The following RAPGEF5 variants were observed in gnomAD, a reference collection of about 807,000 sequenced individuals.
The protein encoded by RAPGEF5 is Rap guanine nucleotide exchange factor 5, also known as M-Ras-regulated GEF.
A neutral mutation model predicts 125.2 loss-of-function variants in RAPGEF5; 65 were observed. The observed-to-expected ratio is 0.52, with a 90% confidence interval of 0.43 to 0.64. The LOEUF (loss-of-function observed/expected upper bound fraction) is 0.64. Among genes scored for constraint, RAPGEF5 ranks in the 30% least tolerant of loss-of-function variants. The pLI, the probability that RAPGEF5 is intolerant of heterozygous loss-of-function variation, is 0.00. For missense variants in RAPGEF5, 958 were observed against 1,048.1 expected (o/e 0.91, Z 1.19); for synonymous variants, 391 against 385.9 (o/e 1.01, Z -0.16).
intron 23 of RAPGEF5, among the ~76,000 whole-genome samples, chr7:22,133,160 AGAGT>A (rs1286223049): frequency 6.6e-6 from 1 of 152,120 alleles, no homozygotes; most frequent in Non-Finnish European, 1.5e-5. Context: ...AGCTCTCAGT[AGAGT>A]GTGTGGCGGC....
chr7:22,247,749 T>TAA (rs199529209), intron 7 of RAPGEF5, among the ~76,000 whole-genome samples: 133 of 146,596 alleles, frequency 9.1e-4, no homozygotes, highest in African/African-American at 3.0e-3. Context: ...GTGGACTGGA[T>TAA]AAAAAAAAAA....
intron 1 of RAPGEF5, among the ~76,000 whole-genome samples, chr7:22,327,466 T>C (rs1783836018): frequency 1.3e-5 from 2 of 152,206 alleles, no homozygotes; most frequent in African/African-American, 4.8e-5. Flanking sequence ...TAAATGTTTA[T>C]AAAGGAAAAA....
chr7:22,238,031 A>G (rs933266512), intron 7 of RAPGEF5, among the ~76,000 whole-genome samples: 15 of 152,310 alleles, frequency 9.8e-5, no homozygotes, highest in Non-Finnish European at 1.8e-4. Flanking sequence ...AAACAAACGT[A>G]AACTGAAGAA....
chr7:22,229,004 A>T (rs542943362), intron 8 of RAPGEF5, among the ~76,000 whole-genome samples: 3 of 152,210 alleles, frequency 2.0e-5, no homozygotes, highest in African/African-American at 7.2e-5. Flanking sequence ...TTTTGCAGAG[A>T]TGAAAACCAT....
intron 12 of RAPGEF5, among the ~76,000 whole-genome samples, chr7:22,165,200 G>A (rs545181104): frequency 3.9e-4 from 60 of 152,230 alleles, no homozygotes; most frequent in African/African-American, 1.4e-3. Flanking sequence ...TAATGTCTTA[G>A]TCAAAGACTC....
At chr7:22,197,895 G>GGGGC (rs1554327476) in intron 9 of RAPGEF5, among the ~76,000 whole-genome samples, 1 of 129,434 alleles carries the variant, frequency 7.7e-6, no homozygotes, top group Non-Finnish European at 1.7e-5. Flanking sequence ...TTTTTTTTTG[G>GGGGC]GGGGGGGTGG....
intron 6 of RAPGEF5, among the ~76,000 whole-genome samples, chr7:22,269,235 G>A (rs1257838257): frequency 1.3e-5 from 2 of 149,560 alleles, no homozygotes; most frequent in East Asian, 2.0e-4. Flanking sequence ...CCTACAAGAC[G>A]CAAAGGGGAA....
intron 8 of RAPGEF5, among the ~76,000 whole-genome samples, chr7:22,229,339 A>G (rs1786001271): frequency 6.6e-6 from 1 of 152,206 alleles, no homozygotes; most frequent in Admixed American, 6.5e-5. Context: ...TTATAGACCC[A>G]AAGTTTTCAG....
chr7:22,334,872 C>T (rs1783995921), intron 1 of RAPGEF5, among the ~76,000 whole-genome samples: 1 of 152,180 alleles, frequency 6.6e-6, no homozygotes, highest in Admixed American at 6.5e-5. Flanking sequence ...CTGAAGAATG[C>T]TCTTGGTTCC....
At chr7:22,194,116 A>G in intron 9 of RAPGEF5, 83 bp from the exon 10 acceptor site, 1 of 1,199,326 alleles carries the variant, frequency 8.3e-7, no homozygotes, top group South Asian at 1.4e-5. Context: ...GAGCTAACTC[A>G]AGCTGTATTT....
At chr7:22,205,110 G>A (rs991744378) in intron 9 of RAPGEF5, among the ~76,000 whole-genome samples, 5 of 152,144 alleles carry the variant, frequency 3.3e-5, no homozygotes, top group Admixed American at 3.3e-4. Flanking sequence ...TGCACCTGGA[G>A]GGCCAAAGAA....
intron 9 of RAPGEF5, among the ~76,000 whole-genome samples, chr7:22,215,489 T>C (rs1182351237): frequency 6.6e-6 from 1 of 152,198 alleles, no homozygotes; most frequent in Non-Finnish European, 1.5e-5. Context: ...TTAGTTGTGT[T>C]GATATCTTTC....
intron 24 of RAPGEF5, among the ~76,000 whole-genome samples, chr7:22,130,720 C>T (rs1184539065): frequency 6.6e-6 from 1 of 152,168 alleles, no homozygotes; most frequent in Non-Finnish European, 1.5e-5. Flanking sequence ...TGACAGCAGC[C>T]TTACAGTTTT....
chr7:22,349,834 T>C (rs562303297), intron 1 of RAPGEF5, among the ~76,000 whole-genome samples: 1 of 152,232 alleles, frequency 6.6e-6, no homozygotes, highest in Non-Finnish European at 1.5e-5. Context: ...TGCTATTTCC[T>C]ACATGGTTAG....
chr7:22,216,977 G>C (rs1490593142), intron 9 of RAPGEF5, among the ~76,000 whole-genome samples: 1 of 152,172 alleles, frequency 6.6e-6, no homozygotes, highest in Non-Finnish European at 1.5e-5. Context: ...AGCAACAAAG[G>C]CTTTATTCTA....
At chr7:22,184,642 G>A (rs1048655970) in intron 11 of RAPGEF5, among the ~76,000 whole-genome samples, 3 of 152,012 alleles carry the variant, frequency 2.0e-5, no homozygotes, top group East Asian at 1.9e-4. Context: ...ACATTTTTCC[G>A]TTATTAATCA....
At chr7:22,212,060 G>A (rs964211797) in intron 9 of RAPGEF5, among the ~76,000 whole-genome samples, 5 of 146,972 alleles carry the variant, frequency 3.4e-5, no homozygotes, top group East Asian at 2.1e-4. Flanking sequence ...ACCGCCTCCC[G>A]GATTCACGCC....
In RAPGEF5 at chr7:22,310,027, G is replaced by T. The variant is rs374208172; in HGVS notation, c.453C>A (p.Cys151Ter). ...GCCAGACTCCTATGGCCATAGATCT[G>T]CACTGGACGAAAGGACAGTGTTCTA... The part of the protein sequence containing the change: ...WLLEHCPFVQ[C>*]RSMAIGVWQL... Residue 151 changes from cysteine to a stop codon, truncating the protein, a stop_gained, in exon 4 of 26, where the codon TGC (cysteine) becomes TGA (stop). Transcript: ENST00000665637. LOFTEE classifies it high-confidence loss of function. The T allele has an allele frequency of 2.5e-6, 4 of 1,601,512 alleles. No individual in the cohort carries two copies. Among genetic ancestry groups the T allele is most frequent in the Non-Finnish European group, 2.6e-6 (3 of 1,175,728 alleles).
At chr7:22,169,506 T>C (rs1784275726) in intron 11 of RAPGEF5, among the ~76,000 whole-genome samples, 1 of 152,182 alleles carries the variant, frequency 6.6e-6, no homozygotes, top group East Asian at 1.9e-4. Flanking sequence ...ACAACATTTC[T>C]CTGTGTTAAA....
Sources: gnomAD v4.1 joint callset for allele counts (sites outside exome capture counted in the v4.1 genomes callset) on GRCh38, gnomAD v4.1.1 for gene constraint, MANE v1.5 for transcripts, NCBI Gene and HGNC (gene_info 2026-07-23, HGNC 2026-07-21) for gene names.